Variants in HDAC9 observed in about 807,000 individuals in gnomAD.
The protein encoded by HDAC9 is MEF-2 interacting transcription repressor (MITR) protein.
In HDAC9, 41 loss-of-function variants were observed where a neutral mutation model predicts 139.4. That is an observed-to-expected ratio of 0.29 (90% CI 0.23 to 0.38). The LOEUF is 0.38. Among genes scored for constraint, HDAC9 ranks in the 10% least tolerant of loss-of-function variants. The pLI is 1.00. For missense variants in HDAC9, 1,147 were observed against 1,297.0 expected, an observed-to-expected ratio of 0.88 and a Z score of 1.78; for synonymous variants, 517 against 476.2, an observed-to-expected ratio of 1.09 and a Z score of -1.12.
chr7:18,371,788 A>T (rs1338983364), intron 1 of HDAC9, among the ~76,000 whole-genome samples: 2 of 152,184 alleles, frequency 1.3e-5, no homozygotes. Flanking sequence ...CACTGATATG[A>T]TGCTGTGGGC....
At chr7:18,208,149 C>G (rs1584639907) in intron 2 of HDAC9, among the ~76,000 whole-genome samples, 1 of 152,086 alleles carries the variant, frequency 6.6e-6, no homozygotes, top group Admixed American at 6.6e-5. Context: ...ACTAGCTTAC[C>G]TGTGGGTGAT....
chr7:18,276,585 T>C (rs537040860), intron 2 of HDAC9, among the ~76,000 whole-genome samples: 67 of 152,338 alleles, frequency 4.4e-4, no homozygotes, highest in African/African-American at 1.6e-3. Context: ...CAGCATATTA[T>C]GTCTCCTGAC....
At chr7:18,873,651 T>A (rs147828335) in intron 21 of HDAC9, among the ~76,000 whole-genome samples, 6 of 152,308 alleles carry the variant, frequency 3.9e-5, no homozygotes, top group African/African-American at 1.4e-4. Flanking sequence ...TTCATTATAG[T>A]GTGCAGTTTC....
At chr7:18,183,036 G>A (rs535490538) in intron 2 of HDAC9, among the ~76,000 whole-genome samples, 12 of 148,556 alleles carry the variant, frequency 8.1e-5, no homozygotes. Flanking sequence ...TTGAGACGGA[G>A]TCTCACTCTG....
At chr7:18,156,697 A>C (rs1198690568) in intron 1 of HDAC9, among the ~76,000 whole-genome samples, 1 of 152,194 alleles carries the variant, frequency 6.6e-6, no homozygotes, top group African/African-American at 2.4e-5. Flanking sequence ...CTAACATAAG[A>C]TACATTATTA....
At chr7:18,752,245 G>T (rs1203695540) in intron 14 of HDAC9, among the ~76,000 whole-genome samples, 1 of 152,070 alleles carries the variant, frequency 6.6e-6, no homozygotes, top group African/African-American at 2.4e-5. Context: ...CTGTGTGCCT[G>T]GTGGGTATTT....
At chr7:18,209,208 C>G (rs944355578) in intron 2 of HDAC9, among the ~76,000 whole-genome samples, 1 of 152,040 alleles carries the variant, frequency 6.6e-6, no homozygotes, top group Non-Finnish European at 1.5e-5. Flanking sequence ...ATTGGTCACC[C>G]GCTTATATAA....
At chr7:18,634,873 A>G (rs1783409245) in intron 8 of HDAC9, 131 bp downstream of exon 8, 2 of 606,338 alleles carry the variant, frequency 3.3e-6, no homozygotes, top group Admixed American at 3.1e-5. Context: ...TCAGTTCCAC[A>G]TATTGTAAAC....
At chr7:18,270,226 G>A (rs978862989) in intron 2 of HDAC9, among the ~76,000 whole-genome samples, 3 of 151,160 alleles carry the variant, frequency 2.0e-5, no homozygotes, top group African/African-American at 7.3e-5. Flanking sequence ...GGTCATCTGT[G>A]TATCCTCAGT....
intron 2 of HDAC9, among the ~76,000 whole-genome samples, chr7:18,186,538 T>A (rs1389859365): frequency 1.3e-5 from 2 of 152,188 alleles, no homozygotes; most frequent in Admixed American, 1.3e-4. Flanking sequence ...TAGGGAAAAC[T>A]TCGGGTAGGG....
At chr7:18,103,432 A>C (rs748820872) in intron 1 of HDAC9, among the ~76,000 whole-genome samples, 4 of 152,144 alleles carry the variant, frequency 2.6e-5, no homozygotes, top group Non-Finnish European at 4.4e-5. Context: ...CGATCCCATC[A>C]CTCAAATAGT....
intron 1 of HDAC9, among the ~76,000 whole-genome samples, chr7:18,473,520 G>A (rs537155467): frequency 6.6e-6 from 1 of 152,314 alleles, no homozygotes; most frequent in South Asian, 2.1e-4. Flanking sequence ...ACAAGGGACT[G>A]CATTTTAAGA....
intron 2 of HDAC9, among the ~76,000 whole-genome samples, chr7:18,502,878 G>C (rs1798757646): frequency 6.6e-6 from 1 of 151,850 alleles, no homozygotes; most frequent in African/African-American, 2.4e-5. Context: ...CTTTAATGTT[G>C]GCTTCGAGGC....
intron 2 of HDAC9, among the ~76,000 whole-genome samples, chr7:18,584,265 A>C (rs567792737): frequency 1.3e-5 from 2 of 148,184 alleles, no homozygotes; most frequent in South Asian, 4.3e-4. Flanking sequence ...CTCAGCTGGG[A>C]CTACAGGCAC....
intron 2 of HDAC9, among the ~76,000 whole-genome samples, chr7:18,519,404 A>C (rs1426822330): frequency 6.6e-6 from 1 of 152,222 alleles, no homozygotes; most frequent in East Asian, 1.9e-4. Flanking sequence ...GCAGAAATAT[A>C]AACTGTAAAT....
At chr7:18,214,143 C>A (rs1792131906) in intron 2 of HDAC9, among the ~76,000 whole-genome samples, 1 of 151,934 alleles carries the variant, frequency 6.6e-6, no homozygotes, top group Non-Finnish European at 1.5e-5. Flanking sequence ...TTCTGTTTTG[C>A]AGATAAGGAT....
At chr7:18,310,904 A>G (rs950566523) in intron 1 of HDAC9, among the ~76,000 whole-genome samples, 2 of 152,048 alleles carry the variant, frequency 1.3e-5, no homozygotes, top group Admixed American at 6.6e-5. Context: ...GAACCATGTT[A>G]TACAAATCTA....
At chr7:18,758,486 G>A (rs137895926) in intron 14 of HDAC9, among the ~76,000 whole-genome samples, 6 of 152,172 alleles carry the variant, frequency 3.9e-5, no homozygotes, top group African/African-American at 1.2e-4. Context: ...GTGATTACGT[G>A]GGAATATCTA....
chr7:18,144,572 C>T (rs1309973116), intron 1 of HDAC9, among the ~76,000 whole-genome samples: 1 of 152,210 alleles, frequency 6.6e-6, no homozygotes, highest in Non-Finnish European at 1.5e-5. Flanking sequence ...ATACCCTCCT[C>T]TGCTATATGC....
Sources: allele counts gnomAD v4.1 joint callset (sites outside exome capture counted in the v4.1 genomes callset), GRCh38; gene constraint gnomAD v4.1.1; transcripts MANE v1.5; gene names NCBI Gene and HGNC (gene_info 2026-07-23, HGNC 2026-07-21).